Variants in DNAJA3 observed in about 807,000 individuals in gnomAD.
DNAJA3 encodes dnaJ homolog subfamily A member 3, mitochondrial.
Under a neutral mutation model 54.9 loss-of-function variants are expected in DNAJA3, and 29 were observed. The observed-to-expected ratio is 0.53, with a 90% CI of 0.39 to 0.72. The LOEUF (loss-of-function observed/expected upper bound fraction) is 0.72. Ranked by LOEUF, DNAJA3 falls within the 30% of genes least tolerant of loss-of-function variation. DNAJA3 has a pLI of 0.00. For missense variants in DNAJA3, 708 were observed against 639.4 expected, an observed-to-expected ratio of 1.11 and a Z score of -1.16; for synonymous variants, 302 against 251.4, an observed-to-expected ratio of 1.20 and a Z score of -1.90.
At chr16:4,448,530 G>A (rs1596370027) in intron 8 of DNAJA3, among the ~76,000 whole-genome samples, 3 of 152,068 alleles carry the variant, frequency 2.0e-5, no homozygotes, top group African/African-American at 7.2e-5. Context: ...TTTTAGTAGA[G>A]ACGGGGTTTC....
At chr16:4,426,959 CCAGGCCG>C (rs1275757024) in intron 1 of DNAJA3, 1 of 151,864 alleles carries the variant, frequency 6.6e-6, no homozygotes, top group Non-Finnish European at 1.5e-5. Context: ...GCTCTGTTGC[CCAGGCCG>C]GAGTGCAGTG....
intron 1 of DNAJA3, chr16:4,426,780 A>G (rs901983398): frequency 2.6e-5 from 4 of 152,190 alleles, no homozygotes; most frequent in African/African-American, 7.2e-5. Flanking sequence ...CTGTTATTCC[A>G]TTTTATAAAG....
chr16:4,454,185 G>A (rs746732596), intron 10 of DNAJA3, among the ~76,000 whole-genome samples: 1 of 152,186 alleles, frequency 6.6e-6, no homozygotes, highest in South Asian at 2.1e-4. Context: ...GTGCGTGGCC[G>A]TGACTCCCAC....
chr16:4,454,894 A>T lies in DNAJA3; in HGVS notation c.1423A>T (p.Lys475Ter), dbSNP rs769335546. The change falls in exon 11 of 12, where the codon AAG becomes TAG. Residue 475 changes from lysine to a stop codon, truncating the protein, a stop_gained. Coordinates refer to ENST00000262375, the MANE Select transcript of DNAJA3 (RefSeq NM_005147.6). LOFTEE classifies it high-confidence loss of function. ...CGAGGAGGGATTCCTTTCCAAACTTAAGAAAATGTTTACCTCATGATATCC... is the reference window on the plus strand; with the variant it reads ...CGAGGAGGGATTCCTTTCCAAACTTTAGAAAATGTTTACCTCATGATATCC... ...EDEEGFLSKL[K>*]KMFTS is the part of the protein sequence containing the mutation. 2 of 1,613,866 alleles carry T rather than the reference A, an allele frequency of 1.2e-6. No homozygotes were observed. Among genetic ancestry groups the T allele is most frequent in the South Asian group, 2.2e-5 (2 of 91,060 alleles).
intron 6 of DNAJA3, among the ~76,000 whole-genome samples, chr16:4,444,387 A>G (rs1331755330): frequency 7.0e-6 from 1 of 141,928 alleles, no homozygotes; most frequent in East Asian, 2.0e-4. Context: ...CTCTGTTGCC[A>G]GGCTGGCGTG....
At chr16:4,432,621 C>T (rs1200954286) in intron 1 of DNAJA3, among the ~76,000 whole-genome samples, 1 of 152,098 alleles carries the variant, frequency 6.6e-6, no homozygotes, top group Non-Finnish European at 1.5e-5. Context: ...GGATTACAGG[C>T]AGGAGCCACC....
At chr16:4,437,370 A>T in intron 2 of DNAJA3, 32 bp from the exon 3 acceptor site, 1 of 1,583,158 alleles carries the variant, frequency 6.3e-7, no homozygotes, top group African/African-American at 1.3e-5. Flanking sequence ...TTCACATTGT[A>T]TCTGGAGTAA....
intron 6 of DNAJA3, among the ~76,000 whole-genome samples, chr16:4,444,052 CTGTT>C (rs2056872066): frequency 6.6e-6 from 1 of 152,138 alleles, no homozygotes; most frequent in Non-Finnish European, 1.5e-5. Flanking sequence ...GAGCATGTCT[CTGTT>C]TGTAGTTATG....
At position 4,443,130 on chromosome 16, in the gene DNAJA3, G is replaced by A; in HGVS notation, c.897G>A (p.Lys299=). Residue 299 remains lysine, a synonymous_variant, in exon 6 of 12, where the codon AAG becomes AAA. Transcript: ENST00000262375. ...CVVCRGAGQA[K]QKKRVMIPVP... ...TCTGCAGGGGAGCAGGACAAGCCAA[G>A]CAGAAAAAGCGAGTGATGATCCCTG... The A allele has an allele frequency of 1.2e-6, 2 of 1,614,030 alleles. No homozygotes were observed. Among genetic ancestry groups the A allele is most frequent in the Non-Finnish European group, 1.7e-6 (2 of 1,180,006 alleles).
chr16:4,454,748 C>G, intron 10 of DNAJA3, 63 bp from the exon 11 acceptor site: 2 of 1,325,196 alleles, frequency 1.5e-6, no homozygotes, highest in Admixed American at 3.6e-5. Context: ...GTAGGTGGGC[C>G]CTGGGATGTG....
chr16:4,450,377 T>G lies in DNAJA3; in HGVS notation c.1242-23T>G, dbSNP rs753625502. On this transcript the variant is annotated intron_variant, in intron 9 of 11. Coordinates refer to ENST00000262375, the MANE Select transcript of DNAJA3 (RefSeq NM_005147.6). ...AAAGCTTCCCGGCGGAAGCCTTGGC[T>G]GCTGACTCTGCTCGGTCCACAGGAG... The G allele has an allele frequency of 4.4e-6, 7 of 1,575,392 alleles. No homozygotes were observed. In the South Asian group the frequency reaches 8.1e-5, roughly 18 times the overall value.
At chr16:4,431,410 A>G (rs2056698824) in intron 1 of DNAJA3, among the ~76,000 whole-genome samples, 1 of 152,218 alleles carries the variant, frequency 6.6e-6, no homozygotes, top group African/African-American at 2.4e-5. Flanking sequence ...GGTGTGCCAA[A>G]CACACGGATT....
chr16:4,446,768 T>C, intron 7 of DNAJA3, 118 bp from the exon 8 acceptor site: 3 of 1,256,912 alleles, frequency 2.4e-6, no homozygotes, highest in Non-Finnish European at 3.3e-6. Context: ...CACTGCACTT[T>C]ATGTATGGAA....
rs2057035794 is a variant in DNAJA3, at chr16:4,456,374, G to GT, written c.*844dup. 6.6e-6 allele frequency: 1 copy of GT among 152,414 alleles called. No individual in the cohort carries two copies. The highest frequency in any genetic ancestry group is 2.4e-5 in the African/African-American group (1 of 41,476). 9.4% of individuals were successfully genotyped at this position (152,414 alleles called of 1,614,324 possible). On this transcript the variant is annotated 3_prime_UTR_variant, in exon 12 of 12. Transcript: ENST00000262375. ...CCTTGGGAACTGAAGCCCTGCCACT[G>GT]TTGCTAGTCAGGGGCTTGGTTCTCC...
At chr16:4,445,596 G>C (rs376410555) in intron 7 of DNAJA3, among the ~76,000 whole-genome samples, 1 of 152,170 alleles carries the variant, frequency 6.6e-6, no homozygotes, top group South Asian at 2.1e-4. Flanking sequence ...TGTTGCCTAG[G>C]ATGAAATGCA....
chr16:4,437,722 A>T (rs1341229915), intron 3 of DNAJA3: 1 of 425,454 alleles, frequency 2.4e-6, no homozygotes, highest in Non-Finnish European at 4.2e-6. Flanking sequence ...ACTTGACCTC[A>T]GGAGTTGGCT....
intron 1 of DNAJA3, among the ~76,000 whole-genome samples, chr16:4,428,243 G>A (rs777402175): frequency 7.8e-4 from 118 of 152,124 alleles, no homozygotes; most frequent in African/African-American, 2.7e-3. Context: ...GAGCCACCGC[G>A]ACCGGCCTTA....
chr16:4,434,396 A>G lies in DNAJA3; in HGVS notation c.224A>G (p.Asn75Ser). ...PGVSLTGTKH[N>S]PFICTASFHT... ...TTTTCCTTTTTAGGAACAAAACATA[A>G]CCCTTTCATTTGTACTGCCTCCTTC... is the stretch of plus-strand genomic sequence containing the variant. Residue 75 changes from asparagine to serine, a missense_variant, in exon 2 of 12, where the codon AAC becomes AGC. Asn to Ser is a conservative substitution (Grantham distance 46). Coordinates refer to ENST00000262375, the MANE Select transcript of DNAJA3 (RefSeq NM_005147.6). 6.2e-7 allele frequency: 1 copy of G among 1,612,654 alleles called. No individual in the cohort carries two copies. The highest frequency in any genetic ancestry group is 8.5e-7 in the Non-Finnish European group (1 of 1,179,744).
At chr16:4,450,553 T>A in intron 10 of DNAJA3, 56 bp downstream of exon 10, 1 of 1,351,174 alleles carries the variant, frequency 7.4e-7, no homozygotes, top group Admixed American at 2.1e-5. Context: ...CCCCCCAGGG[T>A]ATGGACAATT....
Sources: allele counts gnomAD v4.1 joint callset (sites outside exome capture counted in the v4.1 genomes callset), GRCh38; gene constraint gnomAD v4.1.1; transcripts MANE v1.5; gene names NCBI Gene and HGNC (gene_info 2026-07-23, HGNC 2026-07-21).